Variants in TRHDE observed in about 807,000 individuals in gnomAD.
The protein encoded by TRHDE is thyrotropin-releasing hormone-degrading ectoenzyme.
In TRHDE, 72 loss-of-function variants were observed where a neutral mutation model predicts 125.7. The observed-to-expected ratio is 0.57, with a 90% confidence interval of 0.47 to 0.70. The LOEUF (loss-of-function observed/expected upper bound fraction) is 0.70. TRHDE is among the 30% of genes least tolerant of loss of function. The probability of loss-of-function intolerance (pLI) is 0.00; values close to 1 mark genes in which losing one functional copy is unlikely to be tolerated. For missense variants in TRHDE, 1,110 were observed against 1,327.1 expected (o/e 0.84, Z 2.54); for synonymous variants, 509 against 509.1 (o/e 1.00, Z 0.00).
At chr12:72,092,481 T>G (rs761352985) in intron 1 of TRHDE, among the ~76,000 whole-genome samples, 40 of 152,240 alleles carry the variant, frequency 2.6e-4, no homozygotes, top group Non-Finnish European at 5.0e-4. Flanking sequence ...TTCTCTCTTC[T>G]TGTCTCTGGG....
chr12:72,258,760 A>G (rs1878876090), intron 2 of TRHDE, among the ~76,000 whole-genome samples: 1 of 152,160 alleles, frequency 6.6e-6, no homozygotes, highest in Non-Finnish European at 1.5e-5. Flanking sequence ...TGAGTTCTGC[A>G]ATCTCTACTT....
At chr12:72,130,863 A>G (rs1875843596) in intron 2 of TRHDE, among the ~76,000 whole-genome samples, 1 of 152,188 alleles carries the variant, frequency 6.6e-6, no homozygotes, top group Admixed American at 6.5e-5. Context: ...GATATTATCA[A>G]CTGCTAGTGA....
At chr12:72,594,365 G>C (rs942112795) in intron 12 of TRHDE, among the ~76,000 whole-genome samples, 1 of 151,700 alleles carries the variant, frequency 6.6e-6, no homozygotes, top group Non-Finnish European at 1.5e-5. Context: ...GAGAAACCCC[G>C]TCTCCACCAT....
chr12:72,509,727 G>A (rs1374842275), intron 6 of TRHDE, among the ~76,000 whole-genome samples: 1 of 152,086 alleles, frequency 6.6e-6, no homozygotes, highest in Non-Finnish European at 1.5e-5. Flanking sequence ...TTGAATGTGA[G>A]CTTCATAAAG....
intron 2 of TRHDE, among the ~76,000 whole-genome samples, chr12:72,301,395 T>C (rs867679952): frequency 6.6e-6 from 1 of 152,196 alleles, no homozygotes; most frequent in African/African-American, 2.4e-5. Flanking sequence ...ACAGTCCTTT[T>C]ACCTTACTTT....
intron 1 of TRHDE, among the ~76,000 whole-genome samples, chr12:72,092,684 G>GGTGTAGTCTA (rs1309318281): frequency 6.6e-6 from 1 of 152,158 alleles, no homozygotes; most frequent in Admixed American, 6.5e-5. Context: ...TGTGATGTTT[G>GGTGTAGTCTA]GTGTAGTCTA....
chr12:72,183,530 AG>A (rs1334873158), intron 2 of TRHDE, among the ~76,000 whole-genome samples: 43 of 152,376 alleles, frequency 2.8e-4, no homozygotes, highest in African/African-American at 1.0e-3. Flanking sequence ...ACAGACAAAA[AG>A]ATCATGATAT....
At position 72,368,285 on chromosome 12, in the gene TRHDE, TTAGAAGAAAGTCTCTAAATTTATTTAG is replaced by T. The variant is rs1871424315; in HGVS notation, c.1189-9702_1189-9676del. 2.6e-5 allele frequency among the ~76,000 whole-genome samples: 4 copies of T among 152,306 alleles called. No individual in the cohort carries two copies. In the South Asian group the frequency reaches 8.3e-4, roughly 32 times the overall value. On this transcript the variant is annotated intron_variant, in intron 2 of 18. Coordinates refer to ENST00000261180, the MANE Select transcript of TRHDE (RefSeq NM_013381.3). Reference sequence around the variant, plus strand: ...AAAGTCTGTAAGGTACATTAAGTTATTAGAAGAAAGTCTCTAAATTTATTTAGTAGAAGATTTCATAATAATTCTGAC... The same window carrying T: ...AAAGTCTGTAAGGTACATTAAGTTATTAGAAGATTTCATAATAATTCTGAC...
At chr12:72,344,006 T>A (rs971588131) in intron 2 of TRHDE, among the ~76,000 whole-genome samples, 1 of 151,918 alleles carries the variant, frequency 6.6e-6, no homozygotes, top group Non-Finnish European at 1.5e-5. Flanking sequence ...TATATATTAT[T>A]TTTCACTGGA....
intron 3 of TRHDE, among the ~76,000 whole-genome samples, chr12:72,469,498 A>G (rs546831577): frequency 4.6e-5 from 7 of 152,330 alleles, no homozygotes; most frequent in African/African-American, 1.7e-4. Flanking sequence ...GGGCCCATCA[A>G]TAATGGCACT....
intron 2 of TRHDE, among the ~76,000 whole-genome samples, chr12:72,112,495 T>C (rs1875339043): frequency 6.6e-6 from 1 of 152,176 alleles, no homozygotes; most frequent in Non-Finnish European, 1.5e-5. Context: ...CTCCAGTAAA[T>C]AGTGTAGTAC....
At chr12:72,593,170 C>A (rs539443876) in intron 12 of TRHDE, among the ~76,000 whole-genome samples, 114 of 152,244 alleles carry the variant, frequency 7.5e-4, no homozygotes, top group Middle Eastern at 3.4e-3. Context: ...GTTGCCAGTC[C>A]AGAAAGGCTG....
chr12:72,413,224 A>T (rs553197075), intron 3 of TRHDE, among the ~76,000 whole-genome samples: 39 of 152,138 alleles, frequency 2.6e-4, no homozygotes, highest in African/African-American at 8.9e-4. Context: ...TTTTAAAAAA[A>T]TTCTTTTCAG....
At chr12:72,379,149 C>G (rs1466210717) in intron 3 of TRHDE, among the ~76,000 whole-genome samples, 1 of 152,178 alleles carries the variant, frequency 6.6e-6, no homozygotes, top group South Asian at 2.1e-4. Flanking sequence ...GAGAACCAGG[C>G]CGCTTTCATT....
chr12:72,232,827 T>G (rs1878272293), intron 2 of TRHDE, among the ~76,000 whole-genome samples: 1 of 152,136 alleles, frequency 6.6e-6, no homozygotes, highest in Non-Finnish European at 1.5e-5. Context: ...TACCTAAAAG[T>G]GTACCCCTCC....
intron 2 of TRHDE, among the ~76,000 whole-genome samples, chr12:72,161,922 A>G (rs1425459363): frequency 6.6e-6 from 1 of 152,238 alleles, no homozygotes; most frequent in African/African-American, 2.4e-5. Context: ...TATATTGCAT[A>G]TTATGCCTTA....
chr12:72,162,780 A>G (rs1876662868), intron 2 of TRHDE, among the ~76,000 whole-genome samples: 1 of 152,218 alleles, frequency 6.6e-6, no homozygotes, highest in African/African-American at 2.4e-5. Context: ...CTGAGTGAGC[A>G]ATTACTTAAA....
Position 72,378,064 on chromosome 12 carries a change from AG to A in TRHDE, c.1259del (p.Arg420AsnfsTer2), listed in dbSNP as rs755515987. The A allele has an allele frequency of 6.2e-7, 1 of 1,606,598 alleles. No homozygotes were observed. Among genetic ancestry groups the A allele is most frequent in the East Asian group, 2.2e-5 (1 of 44,688 alleles). ...SGDYALHITK[R>X]LIEFYEDYFK... ...GGACTATGCTCTCCATATAACAAAG[AG>A]ATTAATAGAATTTTATGAAGACTAC... On this transcript the variant is annotated frameshift_variant, in exon 3 of 19. Transcript: ENST00000261180. LOFTEE classifies it high-confidence loss of function.
intron 2 of TRHDE, among the ~76,000 whole-genome samples, chr12:72,145,047 A>C (rs1472176815): frequency 6.6e-5 from 10 of 152,092 alleles, no homozygotes; most frequent in Non-Finnish European, 1.0e-4. Flanking sequence ...GGGCTTGATA[A>C]ATACTGACAG....
Sources: gnomAD v4.1 joint callset for allele counts (sites outside exome capture counted in the v4.1 genomes callset) on GRCh38, gnomAD v4.1.1 for gene constraint, MANE v1.5 for transcripts, NCBI Gene and HGNC (gene_info 2026-07-23, HGNC 2026-07-21) for gene names.